The following THSD4 variants were observed in gnomAD, a reference collection of about 807,000 sequenced individuals.
THSD4 encodes thrombospondin type-1 domain-containing protein 4.
Under a neutral mutation model 119.0 loss-of-function variants are expected in THSD4, and 69 were observed. The ratio of observed to expected loss-of-function variants is 0.58; its 90% CI spans 0.48 to 0.71. THSD4 has a LOEUF of 0.71. Among genes scored for constraint, THSD4 ranks in the 30% least tolerant of loss-of-function variants. The pLI, the probability that THSD4 is intolerant of heterozygous loss-of-function variation, is 0.00. For missense variants in THSD4, 1,393 were observed against 1,391.1 expected (o/e 1.00, Z -0.02); for synonymous variants, 524 against 540.4 (o/e 0.97, Z 0.42).
At chr15:71,370,027 G>C (rs186989651) in intron 6 of THSD4, among the ~76,000 whole-genome samples, 1 of 151,800 alleles carries the variant, frequency 6.6e-6, no homozygotes, top group East Asian at 1.9e-4. Flanking sequence ...TATGTGTCGA[G>C]GAATTTATCC....
At chr15:71,680,475 TA>T (rs137869024) in intron 8 of THSD4, among the ~76,000 whole-genome samples, 3,058 of 152,304 alleles carry the variant, frequency 0.02, 58 homozygotes, top group Middle Eastern at 0.048. Flanking sequence ...GTTGGTAGGG[TA>T]AAAATTTGTT....
chr15:71,331,556 C>G (rs747073726), intron 6 of THSD4, among the ~76,000 whole-genome samples: 6 of 152,190 alleles, frequency 3.9e-5, no homozygotes, highest in Non-Finnish European at 8.8e-5. Flanking sequence ...TTCACTCTAG[C>G]TGGGATTGCT....
intron 6 of THSD4, among the ~76,000 whole-genome samples, chr15:71,371,372 A>G (rs960051309): frequency 4.6e-5 from 7 of 152,156 alleles, no homozygotes; most frequent in African/African-American, 1.7e-4. Context: ...TCTTCCTAGC[A>G]TCGATGGTCT....
In THSD4 at chr15:71,673,075, C is replaced by G. The variant is rs546457400; in HGVS notation, c.1357+12341C>G. ...TTCAGAAGGAATGGTACCAGCTCCT[C>G]TTTGTACCTCTGGTAGAATTCGGCT... On this transcript the variant is annotated intron_variant, in intron 8 of 17. Coordinates refer to ENST00000261862, the MANE Select transcript of THSD4 (RefSeq NM_024817.3). Among the ~76,000 whole-genome samples, 25 of 152,330 alleles carry G rather than the reference C, an allele frequency of 1.6e-4. No homozygotes were observed. The South Asian group carries it at 4.1e-3, about 25-fold the overall frequency.
intron 8 of THSD4, among the ~76,000 whole-genome samples, chr15:71,719,712 G>A (rs928865009): frequency 4.6e-5 from 7 of 152,286 alleles, no homozygotes; most frequent in South Asian, 2.1e-4. Context: ...GTCTCACTCC[G>A]TCTCCCGGGC....
intron 7 of THSD4, among the ~76,000 whole-genome samples, chr15:71,490,256 C>A (rs973726058): frequency 6.6e-6 from 1 of 151,742 alleles, no homozygotes; most frequent in Non-Finnish European, 1.5e-5. Context: ...GAAGTCTCAT[C>A]TCTACTAAAA....
chr15:71,232,301 T>C (rs1416270743), intron 4 of THSD4, among the ~76,000 whole-genome samples: 3 of 152,178 alleles, frequency 2.0e-5, no homozygotes, highest in Non-Finnish European at 4.4e-5. Context: ...TAGCCTTTAT[T>C]GACCCATTCG....
intron 2 of THSD4, among the ~76,000 whole-genome samples, chr15:71,149,590 C>A (rs146108288): frequency 6.6e-6 from 1 of 152,248 alleles, no homozygotes; most frequent in Non-Finnish European, 1.5e-5. Flanking sequence ...GGCAGGATTT[C>A]ACTTCAATGC....
chr15:71,334,127 C>G (rs192468384), intron 6 of THSD4, among the ~76,000 whole-genome samples: 101 of 152,248 alleles, frequency 6.6e-4, no homozygotes, highest in East Asian at 1.9e-4. Flanking sequence ...AAGATACACC[C>G]AGCAAACCGG....
chr15:71,768,581 T>C (rs1029448652), intron 16 of THSD4, among the ~76,000 whole-genome samples: 14 of 149,510 alleles, frequency 9.4e-5, no homozygotes, highest in Non-Finnish European at 1.9e-4. Flanking sequence ...TTTTTTTTTT[T>C]TTTGAGACAA....
intron 7 of THSD4, among the ~76,000 whole-genome samples, chr15:71,630,646 T>C (rs868129774): frequency 1.4e-4 from 22 of 152,292 alleles, no homozygotes; most frequent in African/African-American, 4.6e-4. Context: ...GGAATGGTAA[T>C]GACAGTCTGG....
At chr15:71,485,280 A>G (rs1376522661) in intron 7 of THSD4, among the ~76,000 whole-genome samples, 1 of 152,184 alleles carries the variant, frequency 6.6e-6, no homozygotes, top group African/African-American at 2.4e-5. Context: ...AATGAGTTCT[A>G]GGCCAAGCTC....
intron 2 of THSD4, 68 bp from the exon 3 acceptor site, chr15:71,154,795 T>C (rs2040760251): frequency 6.6e-7 from 1 of 1,518,112 alleles, no homozygotes; most frequent in Non-Finnish European, 9.1e-7. Flanking sequence ...ATGGCGATGC[T>C]GCCTTCCCTG....
chr15:71,174,859 AC>A (rs1372631657), intron 3 of THSD4, among the ~76,000 whole-genome samples: 1 of 151,004 alleles, frequency 6.6e-6, no homozygotes, highest in African/African-American at 2.4e-5. Context: ...ACTGGGAGGC[AC>A]CCCCCAGCAG....
At chr15:71,617,266 T>A (rs1449015772) in intron 7 of THSD4, among the ~76,000 whole-genome samples, 1 of 152,198 alleles carries the variant, frequency 6.6e-6, no homozygotes, top group African/African-American at 2.4e-5. Context: ...AGAAACGAAT[T>A]AATGGAAGTA....
intron 3 of THSD4, 46 bp downstream of exon 3, chr15:71,154,978 A>G (rs1387286053): frequency 1.9e-6 from 3 of 1,587,216 alleles, no homozygotes; most frequent in African/African-American, 1.3e-5. Context: ...CCAAGGGGCT[A>G]GGGCCACTGT....
Position 71,757,941 on chromosome 15 carries a change from G to A in THSD4, c.2455G>A (p.Val819Met), listed in dbSNP as rs781075079. 2 of 1,613,864 alleles carry A rather than the reference G, an allele frequency of 1.2e-6. No homozygotes were observed. Among genetic ancestry groups the A allele is most frequent in the East Asian group, 2.2e-5 (1 of 44,894 alleles). ...ECGAGVRTRS[V>M]VCMTNHVSSL... ...TGGGGCCGGAGTGCGGACACGCTCG[G>A]TGGTGTGCATGACCAACCATGTCAG... is the stretch of plus-strand genomic sequence containing the variant. Residue 819 changes from valine (V) to methionine (M), a missense_variant, in exon 15 of 18, where the codon GTG (valine) becomes ATG (methionine). Val to Met is a conservative substitution (Grantham distance 21). Coordinates refer to ENST00000261862, the MANE Select transcript of THSD4 (RefSeq NM_024817.3).
chr15:71,406,827 A>G (rs886699657), intron 6 of THSD4, among the ~76,000 whole-genome samples: 3 of 151,850 alleles, frequency 2.0e-5, no homozygotes, highest in African/African-American at 4.8e-5. Flanking sequence ...TTACAGGCAC[A>G]TGCCACCAAG....
chr15:71,454,590 A>C lies in THSD4; in HGVS notation c.1152+42767A>C, dbSNP rs2047311552. The stretch of plus-strand genomic sequence containing the variant: ...TTAAGCAAACAAGAGGGAGAAAAAG[A>C]ATCTGGTTCATATTATGGCAACTTG... On this transcript the variant is annotated intron_variant, in intron 7 of 17. Coordinates refer to ENST00000261862, the MANE Select transcript of THSD4 (RefSeq NM_024817.3). 2.0e-5 allele frequency among the ~76,000 whole-genome samples: 3 copies of C among 152,236 alleles called. No individual in the cohort carries two copies. In the South Asian group the frequency reaches 6.2e-4, roughly 31 times the overall value.
Sources: gnomAD v4.1 joint callset for allele counts (sites outside exome capture counted in the v4.1 genomes callset) on GRCh38, gnomAD v4.1.1 for gene constraint, MANE v1.5 for transcripts, NCBI Gene and HGNC (gene_info 2026-07-23, HGNC 2026-07-21) for gene names.